Variants in KCNIP4 observed in about 807,000 individuals in gnomAD.
The protein encoded by KCNIP4 is Kv channel-interacting protein 4.
In KCNIP4, 12 loss-of-function variants were observed where a neutral mutation model predicts 34.0. The observed-to-expected ratio is 0.35, with a 90% CI of 0.23 to 0.57. The LOEUF is 0.57. Among genes scored for constraint, KCNIP4 ranks in the 20% least tolerant of loss-of-function variants. The pLI is 0.83. For missense variants in KCNIP4, 238 were observed against 311.7 expected, an observed-to-expected ratio of 0.76 and a Z score of 1.78; for synonymous variants, 124 against 102.2, an observed-to-expected ratio of 1.21 and a Z score of -1.29.
At chr4:21,635,214 TC>T (rs1427917116) in intron 1 of KCNIP4, among the ~76,000 whole-genome samples, 1 of 152,184 alleles carries the variant, frequency 6.6e-6, no homozygotes, top group Non-Finnish European at 1.5e-5. Context: ...CAGTAGATTT[TC>T]CACTCTTGGA....
Position 21,401,753 on chromosome 4 carries a change from G to A in KCNIP4, c.62-519044C>T, listed in dbSNP as rs982497878. ...TTCATAGCACATTCCCTATACTTAC[G>A]TTGTGAGCCCATTATATAATTTAGC... is the stretch of plus-strand genomic sequence containing the variant. On this transcript the variant is annotated intron_variant, in intron 1 of 8. Coordinates refer to ENST00000382152, the MANE Select transcript of KCNIP4 (RefSeq NM_025221.6). 9.9e-5 allele frequency among the ~76,000 whole-genome samples: 15 copies of A among 152,234 alleles called. No homozygotes were observed. In the East Asian group the frequency reaches 1.9e-3, roughly 20 times the overall value.
In KCNIP4 at chr4:21,463,253, T is replaced by C. The variant is rs533731858; in HGVS notation, c.61+485318A>G. ...ACCTCATTGTGTTTTGATTTGCATT[T>C]CCATGATGATTAGTGATGTTAAATA... On this transcript the variant is annotated intron_variant, in intron 1 of 8. Transcript: ENST00000382152. 5.9e-5 allele frequency among the ~76,000 whole-genome samples: 9 copies of C among 152,298 alleles called. No individual in the cohort carries two copies. In the South Asian group the frequency reaches 1.7e-3, roughly 28 times the overall value.
intron 3 of KCNIP4, among the ~76,000 whole-genome samples, chr4:20,783,845 A>T (rs1711561156): frequency 6.6e-6 from 1 of 152,200 alleles, no homozygotes; most frequent in Non-Finnish European, 1.5e-5. Context: ...ATTAAGAGTG[A>T]GTGATATTAT....
chr4:21,338,047 T>A (rs1716353970), intron 1 of KCNIP4, among the ~76,000 whole-genome samples: 1 of 152,222 alleles, frequency 6.6e-6, no homozygotes, highest in East Asian at 1.9e-4. Flanking sequence ...GCTTTTGTCC[T>A]TGGCTTCAAG....
chr4:20,876,290 A>G (rs1724018738), intron 2 of KCNIP4, among the ~76,000 whole-genome samples: 1 of 152,170 alleles, frequency 6.6e-6, no homozygotes, highest in Non-Finnish European at 1.5e-5. Context: ...AGTAAGGAAA[A>G]TGACTACTTT....
chr4:21,049,210 A>G (rs1407853016), intron 1 of KCNIP4, among the ~76,000 whole-genome samples: 2 of 151,844 alleles, frequency 1.3e-5, no homozygotes, highest in Non-Finnish European at 2.9e-5. Flanking sequence ...TCGGCCTCCC[A>G]AAGTGCTGGG....
intron 1 of KCNIP4, among the ~76,000 whole-genome samples, chr4:21,889,673 T>C (rs1321504421): frequency 6.6e-6 from 1 of 152,078 alleles, no homozygotes; most frequent in Non-Finnish European, 1.5e-5. Flanking sequence ...GTTCAGAACA[T>C]GTAAAGGTTT....
At chr4:20,811,085 G>T (rs1412152286) in intron 3 of KCNIP4, among the ~76,000 whole-genome samples, 2 of 152,166 alleles carry the variant, frequency 1.3e-5, no homozygotes, top group African/African-American at 2.4e-5. Flanking sequence ...AGGCAGAATT[G>T]TTCTTCAGTT....
chr4:21,827,005 A>T (rs1215365797), intron 1 of KCNIP4, among the ~76,000 whole-genome samples: 3 of 152,108 alleles, frequency 2.0e-5, no homozygotes, highest in Admixed American at 1.3e-4. Flanking sequence ...ATGAAAACAA[A>T]TCTGAATAAA....
intron 1 of KCNIP4, among the ~76,000 whole-genome samples, chr4:21,453,893 C>T (rs1728715556): frequency 6.6e-6 from 1 of 152,178 alleles, no homozygotes; most frequent in Non-Finnish European, 1.5e-5. Flanking sequence ...AAAGCACTGT[C>T]CTGTCACTCA....
chr4:21,468,806 G>C (rs904907542), intron 1 of KCNIP4, among the ~76,000 whole-genome samples: 6 of 152,092 alleles, frequency 3.9e-5, no homozygotes, highest in African/African-American at 1.4e-4. Flanking sequence ...ACCCTGTTTC[G>C]CTTTTTTGCT....
At chr4:21,252,055 T>C (rs1378582987) in intron 1 of KCNIP4, among the ~76,000 whole-genome samples, 1 of 151,284 alleles carries the variant, frequency 6.6e-6, no homozygotes, top group Non-Finnish European at 1.5e-5. Flanking sequence ...AAAACATAAC[T>C]GAGATGTTTT....
At chr4:21,384,020 G>A (rs543653652) in intron 1 of KCNIP4, among the ~76,000 whole-genome samples, 1 of 152,148 alleles carries the variant, frequency 6.6e-6, no homozygotes, top group African/African-American at 2.4e-5. Context: ...GCTTCTTGCA[G>A]GGCCACAAGA....
chr4:20,842,086 C>T (rs1719796389), intron 3 of KCNIP4, among the ~76,000 whole-genome samples: 1 of 152,056 alleles, frequency 6.6e-6, no homozygotes, highest in Non-Finnish European at 1.5e-5. Flanking sequence ...TTGCTTTTTG[C>T]CCCTCTTTTC....
Position 20,909,658 on chromosome 4 carries a change from T to C in KCNIP4, c.62-26949A>G, listed in dbSNP as rs535660539. On this transcript the variant is annotated intron_variant, in intron 1 of 8. Transcript: ENST00000382152. ...CCTACCTATCCCAACCTTATTTTTTTATGCCTGCCTGCACTATAAAGATTG... is the reference window on the plus strand; with the variant it reads ...CCTACCTATCCCAACCTTATTTTTTCATGCCTGCCTGCACTATAAAGATTG... Among the ~76,000 whole-genome samples, 3 of 152,332 alleles carry C rather than the reference T, an allele frequency of 2.0e-5. 1 individual carries two copies. The South Asian group carries it at 6.2e-4, about 32-fold the overall frequency.
intron 1 of KCNIP4, among the ~76,000 whole-genome samples, chr4:21,632,510 C>T (rs1273689479): frequency 6.6e-6 from 1 of 152,202 alleles, no homozygotes; most frequent in African/African-American, 2.4e-5. Context: ...CAGGCATGGG[C>T]CATTGTGGCT....
At chr4:21,030,866 T>C (rs1740963193) in intron 1 of KCNIP4, among the ~76,000 whole-genome samples, 1 of 152,198 alleles carries the variant, frequency 6.6e-6, no homozygotes. Context: ...ATTTGTTTAC[T>C]GTAGCAGAAA....
chr4:21,345,472 T>C (rs1366266555), intron 1 of KCNIP4, among the ~76,000 whole-genome samples: 2 of 152,178 alleles, frequency 1.3e-5, no homozygotes, highest in Admixed American at 6.6e-5. Context: ...GGATAACTAA[T>C]ATAGCAGGGA....
chr4:21,196,403 G>C (rs900585537), intron 1 of KCNIP4, among the ~76,000 whole-genome samples: 6 of 152,126 alleles, frequency 3.9e-5, no homozygotes, highest in African/African-American at 1.4e-4. Context: ...CATTCAACTT[G>C]ATAGGACACA....
Sources: gnomAD v4.1 joint callset for allele counts (sites outside exome capture counted in the v4.1 genomes callset) on GRCh38, gnomAD v4.1.1 for gene constraint, MANE v1.5 for transcripts, NCBI Gene and HGNC (gene_info 2026-07-23, HGNC 2026-07-21) for gene names.